The following BAZ2B variants were observed in gnomAD, a reference collection of about 807,000 sequenced individuals.
BAZ2B encodes bromodomain adjacent to zinc finger domain 2B.
Under a neutral mutation model 246.0 loss-of-function variants are expected in BAZ2B, and 91 were observed. The observed-to-expected ratio is 0.37, with a 90% CI of 0.31 to 0.44. The LOEUF (loss-of-function observed/expected upper bound fraction) is 0.44. Among genes scored for constraint, BAZ2B ranks in the 20% least tolerant of loss-of-function variants. The pLI is 1.00. For synonymous variants in BAZ2B, 855 were observed against 860.0 expected, an observed-to-expected ratio of 0.99 and a Z score of 0.10; for missense variants, 2,332 against 2,533.7, an observed-to-expected ratio of 0.92 and a Z score of 1.71.
At chr2:159,428,184 C>A in intron 12 of BAZ2B, 127 bp downstream of exon 12, 1 of 1,086,824 alleles carries the variant, frequency 9.2e-7, no homozygotes, top group Non-Finnish European at 1.3e-6. Flanking sequence ...AGGTTAAGTA[C>A]AATAGTCCCA....
chr2:159,485,274 T>G (rs372834673), intron 2 of BAZ2B, among the ~76,000 whole-genome samples: 2 of 152,140 alleles, frequency 1.3e-5, no homozygotes, highest in East Asian at 3.8e-4. Flanking sequence ...AAAAATCTTC[T>G]GTTAAAGGAC....
chr2:159,594,127 G>A (rs962142024), intron 1 of BAZ2B, among the ~76,000 whole-genome samples: 3 of 152,146 alleles, frequency 2.0e-5, no homozygotes, highest in Admixed American at 6.5e-5. Flanking sequence ...AAGTCGGCCG[G>A]GCGCGGTGGC....
At chr2:159,446,741 T>C (rs768479361) in intron 6 of BAZ2B, 41 bp downstream of exon 6, 13 of 1,513,682 alleles carry the variant, frequency 8.6e-6, no homozygotes, top group East Asian at 6.8e-5. Context: ...TCATCTTATA[T>C]ATAGATCTGT....
At chr2:159,477,270 A>G (rs1367123169) in intron 3 of BAZ2B, among the ~76,000 whole-genome samples, 1 of 152,186 alleles carries the variant, frequency 6.6e-6, no homozygotes, top group South Asian at 2.1e-4. Flanking sequence ...GTGCCACTGC[A>G]CTCCTGACTG....
intron 3 of BAZ2B, chr2:159,460,833 G>A (rs2076320357): frequency 6.6e-6 from 1 of 152,026 alleles, no homozygotes; most frequent in South Asian, 2.1e-4. Flanking sequence ...ACAGAAAGAA[G>A]TCTACAGTTA....
the BAZ2B span, chr2:159,690,328 C>T: frequency 5.0e-6 from 1 of 200,864 alleles, no homozygotes; most frequent in Admixed American, 5.6e-5. Context: ...CGTGGTGCTG[C>T]TCATAGAGCC....
chr2:159,579,044 C>T (rs2151619252), intron 1 of BAZ2B, among the ~76,000 whole-genome samples: 1 of 152,200 alleles, frequency 6.6e-6, no homozygotes, highest in East Asian at 1.9e-4. Context: ...AATTCAAAAG[C>T]TAGCAGAAGA....
chr2:159,669,492 T>C, the BAZ2B span, among the ~76,000 whole-genome samples: 1 of 152,202 alleles, frequency 6.6e-6, no homozygotes, highest in Non-Finnish European at 1.5e-5. Context: ...GATTTTTTTT[T>C]TAGTTGTTCT....
At chr2:159,455,161 G>C (rs1393738757) in intron 3 of BAZ2B, among the ~76,000 whole-genome samples, 1 of 152,004 alleles carries the variant, frequency 6.6e-6, no homozygotes, top group African/African-American at 2.4e-5. Context: ...AATTTAATTA[G>C]TTTTAACATA....
chr2:159,341,612 C>G (rs759388239), intron 31 of BAZ2B, among the ~76,000 whole-genome samples: 1 of 152,090 alleles, frequency 6.6e-6, no homozygotes, highest in Non-Finnish European at 1.5e-5. Context: ...CAGGACTGAC[C>G]ATATGTTAGG....
intron 2 of BAZ2B, among the ~76,000 whole-genome samples, chr2:159,530,631 T>C (rs370986733): frequency 6.6e-6 from 1 of 152,128 alleles, no homozygotes; most frequent in East Asian, 1.9e-4. Flanking sequence ...ATAATCCAGA[T>C]ATAAACTCTC....
the BAZ2B span, among the ~76,000 whole-genome samples, chr2:159,711,616 C>T: frequency 1.3e-5 from 2 of 152,144 alleles, no homozygotes; most frequent in African/African-American, 2.4e-5. Context: ...CTGATCTTTT[C>T]CATTAAAAAA....
intron 8 of BAZ2B, among the ~76,000 whole-genome samples, chr2:159,435,724 G>A (rs796646878): frequency 2.0e-5 from 3 of 151,952 alleles, no homozygotes; most frequent in African/African-American, 7.3e-5. Flanking sequence ...CCTGACCTCA[G>A]GTGATCCACC....
intron 36 of BAZ2B, 48 bp downstream of exon 36, chr2:159,324,763 A>G: frequency 7.5e-7 from 1 of 1,326,284 alleles, no homozygotes; most frequent in Non-Finnish European, 1.0e-6. Context: ...TGCCTAGCAT[A>G]TATCAGGTAT....
intron 1 of BAZ2B, among the ~76,000 whole-genome samples, chr2:159,595,782 T>A (rs1304216168): frequency 6.6e-6 from 1 of 152,250 alleles, no homozygotes; most frequent in East Asian, 1.9e-4. Flanking sequence ...CTTGTGCCAA[T>A]CACCCAGTTT....
At chr2:159,641,449 C>T in the BAZ2B span, among the ~76,000 whole-genome samples, 568 of 152,162 alleles carry the variant, frequency 3.7e-3, 4 homozygotes, top group African/African-American at 0.013. Context: ...TCCTTATAGA[C>T]GCTGCATATT....
Position 159,389,335 on chromosome 2 carries a change from T to C in BAZ2B, c.3216+10A>G. The C allele has an allele frequency of 1.3e-6, 2 of 1,577,032 alleles. No homozygotes were observed. ...TATGAATGAAATGGTGTACATGACGTATAAATTACCTTTTGGTCTGCTAAG... is the reference window on the plus strand; with the variant it reads ...TATGAATGAAATGGTGTACATGACGCATAAATTACCTTTTGGTCTGCTAAG... On this transcript the variant is annotated intron_variant, in intron 21 of 36. Transcript: ENST00000392783.
chr2:159,471,523 G>A (rs2077793317), intron 3 of BAZ2B, among the ~76,000 whole-genome samples: 1 of 152,104 alleles, frequency 6.6e-6, no homozygotes, highest in African/African-American at 2.4e-5. Flanking sequence ...CTCAAAGGTT[G>A]AGACTGCAGT....
intron 8 of BAZ2B, 76 bp downstream of exon 8, chr2:159,438,227 T>C: frequency 7.7e-7 from 1 of 1,301,844 alleles, no homozygotes; most frequent in Non-Finnish European, 1.1e-6. Context: ...AACTTAAACT[T>C]GTGTATTGTA....
Sources: gnomAD v4.1 joint callset for allele counts (sites outside exome capture counted in the v4.1 genomes callset) on GRCh38, gnomAD v4.1.1 for gene constraint, MANE v1.5 for transcripts, NCBI Gene and HGNC (gene_info 2026-07-23, HGNC 2026-07-21) for gene names.